FLNB: variants seen among roughly 807,000 people sequenced by gnomAD.
FLNB encodes the protein filamin-B.
A neutral mutation model predicts 250.6 loss-of-function variants in FLNB; 111 were observed. The observed-to-expected ratio is 0.44, with a 90% CI of 0.38 to 0.52. The LOEUF (loss-of-function observed/expected upper bound fraction) is 0.52, where lower values mean the gene tolerates loss of function less well. FLNB is among the 20% of genes least tolerant of loss of function. FLNB has a pLI of 0.00. For missense variants in FLNB, 2,869 were observed against 3,447.8 expected, an observed-to-expected ratio of 0.83 and a Z score of 4.20; for synonymous variants, 1,302 against 1,372.1, an observed-to-expected ratio of 0.95 and a Z score of 1.13.
At chr3:58,120,035 G>A (rs941299832) in intron 19 of FLNB, among the ~76,000 whole-genome samples, 2 of 152,228 alleles carry the variant, frequency 1.3e-5, no homozygotes, top group African/African-American at 4.8e-5. Context: ...TACTGAGGCA[G>A]GGCTGAGTGC....
At chr3:58,074,576 G>A (rs960227944) in intron 1 of FLNB, among the ~76,000 whole-genome samples, 1 of 152,242 alleles carries the variant, frequency 6.6e-6, no homozygotes, top group African/African-American at 2.4e-5. Flanking sequence ...GAAGTGGGTA[G>A]TGAAAGCAAT....
intron 10 of FLNB, 99 bp downstream of exon 10, chr3:58,104,184 T>C: frequency 8.1e-7 from 1 of 1,229,654 alleles, no homozygotes; most frequent in East Asian, 2.4e-5. Flanking sequence ...GAAAGAGATC[T>C]GCTTTGTTGA....
intron 1 of FLNB, among the ~76,000 whole-genome samples, chr3:58,046,030 G>C (rs2097153507): frequency 1.4e-5 from 2 of 145,268 alleles, no homozygotes; most frequent in South Asian, 4.4e-4. Flanking sequence ...AAAAAGACTT[G>C]AGTTGGTTCT....
In FLNB at chr3:58,118,950, C is replaced by A. The variant is rs1576750644; in HGVS notation, c.2824C>A (p.Leu942Met). Residue 942 changes from leucine to methionine, a missense_variant, in exon 19 of 46, where the codon CTG (leucine) becomes ATG (methionine). Coordinates refer to ENST00000295956, the MANE Select transcript of FLNB (RefSeq NM_001457.4). ...TTTCACTGTGGGTGTTGCTGCACCG[C>A]TGGATCTGAGCAAGATAAAACTCAA... ...SPFTVGVAAP[L>M]DLSKIKLNGL... The A allele has an allele frequency of 3.1e-6, 5 of 1,613,926 alleles. No homozygotes were observed. Among genetic ancestry groups the A allele is most frequent in the Non-Finnish European group, 4.2e-6 (5 of 1,179,948 alleles).
intron 1 of FLNB, among the ~76,000 whole-genome samples, chr3:58,047,329 A>G (rs570021640): frequency 6.6e-6 from 1 of 152,284 alleles, no homozygotes; most frequent in South Asian, 2.1e-4. Flanking sequence ...TTTAGCAATA[A>G]TGTTTCCTTC....
At position 58,170,670 on chromosome 3, in the gene FLNB, T is replaced by A. The variant is rs1472577801; in HGVS notation, c.7717T>A (p.Tyr2573Asn). Residue 2573 changes from tyrosine to asparagine, a missense_variant, in exon 46 of 46, where the codon TAC (tyrosine) becomes AAC (asparagine). Physicochemically the swap from Tyr to Asn is moderately radical, Grantham distance 143 (BLOSUM62 -2). This residue lies in a region of FLNB where 1,084 missense variants were observed against 1,315.5 expected (regional missense o/e 0.82). Coordinates refer to ENST00000295956, the MANE Select transcript of FLNB (RefSeq NM_001457.4). ...AGGCAACCAGCAATACAACGTCACA[T>A]ACGTCGTCAAGGAGAGGGGCGATTA... Reference protein sequence around the residue: ...HVGNQQYNVTYVVKERGDYVL... With the variant: ...HVGNQQYNVTNVVKERGDYVL... The A allele has an allele frequency of 6.2e-7, 1 of 1,614,088 alleles. No individual in the cohort carries two copies.
chr3:58,045,999 C>CAAAAAAA (rs34327981), intron 1 of FLNB, among the ~76,000 whole-genome samples: 3 of 68,970 alleles, frequency 4.3e-5, no homozygotes, highest in African/African-American at 5.4e-5. Flanking sequence ...ACTCCGTCTC[C>CAAAAAAA]AAAAAAAAAA....
intron 4 of FLNB, among the ~76,000 whole-genome samples, chr3:58,093,155 C>A (rs979875526): frequency 6.6e-6 from 1 of 152,148 alleles, no homozygotes; most frequent in Admixed American, 6.5e-5. Flanking sequence ...GAAACACTTA[C>A]CTTTAGCAGT....
chr3:58,054,525 A>G (rs1235739144), intron 1 of FLNB, among the ~76,000 whole-genome samples: 1 of 152,186 alleles, frequency 6.6e-6, no homozygotes, highest in African/African-American at 2.4e-5. Context: ...ACTTACAATC[A>G]TGGCAGAAGG....
chr3:58,150,274 T>G, intron 38 of FLNB, 47 bp downstream of exon 38: 2 of 1,612,952 alleles, frequency 1.2e-6, no homozygotes, highest in Non-Finnish European at 1.7e-6. Context: ...GCTCCAGCCT[T>G]CAGGGCAGTG....
In FLNB at chr3:58,135,966, CTA is replaced by C. The variant is rs765013379; in HGVS notation, c.4672-11_4672-10del. Reference sequence around the variant, plus strand: ...TGACAACATCCTAAATAGCATTTCTCTATGATCCACAGGACCAAGAAGGAAAA... The same window carrying C: ...TGACAACATCCTAAATAGCATTTCTCTGATCCACAGGACCAAGAAGGAAAA... On this transcript the variant is annotated splice_polypyrimidine_tract_variant and intron_variant, in intron 27 of 45. Transcript: ENST00000295956. The C allele has an allele frequency of 6.2e-7, 1 of 1,613,498 alleles. No individual in the cohort carries two copies. Among genetic ancestry groups the C allele is most frequent in the African/African-American group, 1.3e-5 (1 of 75,022 alleles).
intron 40 of FLNB, among the ~76,000 whole-genome samples, chr3:58,155,630 C>T (rs909475350): frequency 1.3e-5 from 2 of 152,130 alleles, no homozygotes; most frequent in Non-Finnish European, 2.9e-5. Flanking sequence ...GATTTCTTGT[C>T]AACATTTCTG....
rs1220601246 is a variant in FLNB, at chr3:58,109,563, A to T, written c.2200-13A>T. The stretch of plus-strand genomic sequence containing the variant: ...GGAGGAGAACTTGATGACCTTCTCC[A>T]TGTCTTCTCTAGGTCAACATCGGGC... On this transcript the variant is annotated splice_polypyrimidine_tract_variant and intron_variant, in intron 14 of 45. Transcript: ENST00000295956. 1 of 1,614,110 alleles carries T rather than the reference A, an allele frequency of 6.2e-7. No individual in the cohort carries two copies. Among genetic ancestry groups the T allele is most frequent in the Non-Finnish European group, 8.5e-7 (1 of 1,180,044 alleles).
At position 58,171,141 on chromosome 3, in the gene FLNB, G is replaced by T; in HGVS notation, c.*379G>T. The T allele has an allele frequency of 8.5e-6, 2 of 235,542 alleles. No homozygotes were observed. Among genetic ancestry groups the T allele is most frequent in the Non-Finnish European group, 1.7e-5 (2 of 119,810 alleles). 14.6% of individuals were successfully genotyped at this position (235,542 alleles called of 1,614,324 possible). A position where few individuals can be genotyped will look rare whatever the true frequency, so the allele number is the denominator to read the frequency against. On this transcript the variant is annotated 3_prime_UTR_variant, in exon 46 of 46. Transcript: ENST00000295956. This position sits in a 1 kb window ranked among gnomAD's most constrained non-coding sequence, Gnocchi z 5.5. ...TTCAGCATTTATGAAACAAGGCTAG[G>T]GGAAGATGGGCAGAGAAAAAGGGGA...
At chr3:58,099,664 C>CT (rs1402332932) in intron 8 of FLNB, among the ~76,000 whole-genome samples, 3 of 152,160 alleles carry the variant, frequency 2.0e-5, no homozygotes, top group African/African-American at 7.2e-5. Context: ...CGAATCCTAC[C>CT]TCTGGGCCAG....
Position 58,102,343 on chromosome 3 carries a change from A to G in FLNB, c.1483+3A>G. 2 of 1,614,122 alleles carry G rather than the reference A, an allele frequency of 1.2e-6. No homozygotes were observed. Among genetic ancestry groups the G allele is most frequent in the East Asian group, 2.2e-5 (1 of 44,886 alleles). On this transcript the variant is annotated splice_donor_region_variant and intron_variant, in intron 9 of 45. Coordinates refer to ENST00000295956, the MANE Select transcript of FLNB (RefSeq NM_001457.4). ...CGGTGTAACCATGAAGGGTCCTAGT[A>G]AGTGTTCCTTTGTTTCTCTATCTCA...
intron 1 of FLNB, among the ~76,000 whole-genome samples, chr3:58,033,398 G>GT (rs869110064): frequency 3.3e-4 from 5 of 15,380 alleles, no homozygotes; most frequent in African/African-American, 5.1e-4. Flanking sequence ...ATGCTGTTTT[G>GT]TTTTTTTTTG....
chr3:58,087,997 C>T (rs991732998), intron 4 of FLNB, among the ~76,000 whole-genome samples: 4 of 149,694 alleles, frequency 2.7e-5, no homozygotes, highest in East Asian at 1.9e-4. Flanking sequence ...ACCTTGGCCT[C>T]GAAAGTGCTG....
At chr3:58,147,970 C>T (rs1378030707) in intron 34 of FLNB, among the ~76,000 whole-genome samples, 2 of 152,192 alleles carry the variant, frequency 1.3e-5, no homozygotes, top group Admixed American at 1.3e-4. Flanking sequence ...AAATGTGGTC[C>T]ATGAGGACTC....
Sources: allele counts gnomAD v4.1 joint callset (sites outside exome capture counted in the v4.1 genomes callset), GRCh38; gene constraint gnomAD v4.1.1; regional missense constraint gnomAD v4.1.1; non-coding constraint Gnocchi (gnomAD v3.1); transcripts MANE v1.5; gene names NCBI Gene and HGNC (gene_info 2026-07-23, HGNC 2026-07-21).